Variants in MYO1B observed in about 807,000 individuals in gnomAD.
The protein encoded by MYO1B is unconventional myosin-Ib.
MYO1B carries 72 observed loss-of-function variants against 159.7 expected under a neutral mutation model. That is an observed-to-expected ratio of 0.45 (90% confidence interval 0.37 to 0.55). The LOEUF is 0.55. Among genes scored for constraint, MYO1B ranks in the 20% least tolerant of loss-of-function variants. MYO1B has a pLI of 0.00. For missense variants in MYO1B, 1,062 were observed against 1,364.8 expected (o/e 0.78, Z 3.50); for synonymous variants, 468 against 473.8 (o/e 0.99, Z 0.16).
At chr2:191,396,829 C>T (rs1696107502) in intron 21 of MYO1B, among the ~76,000 whole-genome samples, 1 of 152,206 alleles carries the variant, frequency 6.6e-6, no homozygotes, top group Non-Finnish European at 1.5e-5. Flanking sequence ...CCATTGCTTT[C>T]ATACTCAGAA....
At chr2:191,341,008 G>A (rs1300588606) in intron 4 of MYO1B, among the ~76,000 whole-genome samples, 3 of 152,190 alleles carry the variant, frequency 2.0e-5, no homozygotes, top group African/African-American at 7.2e-5. Context: ...ACAGGCGGGA[G>A]CCACTGTGCC....
intron 29 of MYO1B, among the ~76,000 whole-genome samples, chr2:191,415,447 A>G (rs957215244): frequency 6.6e-6 from 1 of 152,234 alleles, no homozygotes; most frequent in Non-Finnish European, 1.5e-5. Context: ...TAAAGGGGGC[A>G]TATCAAATAC....
rs57237733 is a variant in MYO1B, at chr2:191,260,254, C to CTTTTTTTTTTTTTTTTTTTTTTTTTTTTT, written c.-10+14641_-10+14642insTTTTTTTTTTTTTTTTTTTTTTTTTTTTT. Among the ~76,000 whole-genome samples, 48 of 60,998 alleles carry CTTTTTTTTTTTTTTTTTTTTTTTTTTTTT rather than the reference C, an allele frequency of 7.9e-4. 19 individuals are homozygous for CTTTTTTTTTTTTTTTTTTTTTTTTTTTTT. Among genetic ancestry groups the CTTTTTTTTTTTTTTTTTTTTTTTTTTTTT allele is most frequent in the East Asian group, 3.3e-3 (4 of 1,200 alleles). The allele number at this position is 60,998 out of a possible 152,430, so 40.0% of individuals were successfully genotyped here. A position where few individuals can be genotyped will look rare whatever the true frequency, so the allele number is the denominator to read the frequency against. ...TAATATTACTTTTTTCCCAGATAGG[C>CTTTTTTTTTTTTTTTTTTTTTTTTTTTTT]TTTTTTTTTTTTTGAATTAAAGCTA... On this transcript the variant is annotated intron_variant, in intron 1 of 30. Transcript: ENST00000392318.
At chr2:191,391,347 A>G (rs1017228134) in intron 18 of MYO1B, among the ~76,000 whole-genome samples, 1 of 152,182 alleles carries the variant, frequency 6.6e-6, no homozygotes, top group African/African-American at 2.4e-5. Flanking sequence ...AGGAACATCA[A>G]CACACCTAGG....
chr2:191,331,552 C>G (rs897185168), intron 4 of MYO1B, among the ~76,000 whole-genome samples: 3 of 152,164 alleles, frequency 2.0e-5, no homozygotes, highest in East Asian at 1.9e-4. Flanking sequence ...TTTTATCTTT[C>G]TAGGGCTAAA....
Position 191,346,256 on chromosome 2 carries a change from G to A in MYO1B, c.472G>A (p.Val158Ile). The A allele has an allele frequency of 1.3e-6, 2 of 1,571,828 alleles. No individual in the cohort carries two copies. The highest frequency in any genetic ancestry group is 1.7e-6 in the Non-Finnish European group (2 of 1,157,732). ...ACTAGCTTTTGGAAATGCCAAAACT[G>A]TAAGGAATGACAACTCCTCTAGATT... ...VLEAFGNAKTVRNDNSSRFGK... is the reference protein window; with the variant it reads ...VLEAFGNAKTIRNDNSSRFGK... Residue 158 changes from valine (V) to isoleucine (I), a missense_variant, in exon 6 of 31, where the codon GTA (valine) becomes ATA (isoleucine). This residue lies in a region of MYO1B where 415 missense variants were observed against 544.0 expected (regional missense o/e 0.76). Transcript: ENST00000392318.
intron 17 of MYO1B, chr2:191,387,932 C>A (rs935688358): frequency 1.7e-5 from 3 of 176,666 alleles, no homozygotes; most frequent in Non-Finnish European, 3.6e-5. Context: ...AGGTGTAGGC[C>A]TGGAGAAAGT....
chr2:191,283,090 C>G lies in MYO1B; in HGVS notation c.135+6060C>G, dbSNP rs139100677. ...TGTCTAATTTCTGAGCACCATCTAT[C>G]TCTTGGACAGTCATTTTTGCTAATA... On this transcript the variant is annotated intron_variant, in intron 2 of 30. Transcript: ENST00000392318. 1.6e-4 allele frequency among the ~76,000 whole-genome samples: 25 copies of G among 152,326 alleles called. No homozygotes were observed. The East Asian group carries it at 4.2e-3, about 26-fold the overall frequency.
At chr2:191,355,621 G>T (rs1693223905) in intron 7 of MYO1B, among the ~76,000 whole-genome samples, 1 of 152,284 alleles carries the variant, frequency 6.6e-6, no homozygotes, top group African/African-American at 2.4e-5. Flanking sequence ...TGTGTGCATT[G>T]CCCCATCTGT....
At chr2:191,247,977 G>A (rs575865763) in intron 1 of MYO1B, 5 of 985,450 alleles carry the variant, frequency 5.1e-6, no homozygotes, top group Admixed American at 6.1e-5. Flanking sequence ...AAGGAGGAAC[G>A]TCTGACATCA....
At chr2:191,334,874 A>T (rs571566689) in intron 4 of MYO1B, among the ~76,000 whole-genome samples, 8 of 152,222 alleles carry the variant, frequency 5.3e-5, no homozygotes, top group Admixed American at 4.6e-4. Context: ...TTAAACCTTA[A>T]TTTTTTCTTT....
intron 13 of MYO1B, chr2:191,377,702 A>G (rs954153940): frequency 6.6e-6 from 1 of 152,202 alleles, no homozygotes; most frequent in Admixed American, 6.5e-5. Context: ...AGTTCTGTGA[A>G]CTGCTGCCAG....
chr2:191,343,267 G>T (rs1692340638), intron 5 of MYO1B, among the ~76,000 whole-genome samples: 1 of 151,844 alleles, frequency 6.6e-6, no homozygotes, highest in South Asian at 2.1e-4. Flanking sequence ...ACGGATTAAA[G>T]CAGAACTGCT....
At position 191,408,121 on chromosome 2, in the gene MYO1B, A is replaced by C. The variant is rs1447885516; in HGVS notation, c.2563A>C (p.Arg855=). 5.0e-6 allele frequency: 8 copies of C among 1,611,108 alleles called. No individual in the cohort carries two copies. The highest frequency in any genetic ancestry group is 6.8e-6 in the Non-Finnish European group (8 of 1,177,516). ...WAYWLGLKVR[R]EYRKFFRANA... The stretch of plus-strand genomic sequence containing the variant: ...CTACATCTTCTTTTTAAAGGTACGT[A>C]GAGAATACAGGAAATTCTTCAGAGC... Residue 855 remains arginine (R), a synonymous_variant, in exon 25 of 31, where the codon AGA becomes CGA. Transcript: ENST00000392318.
At position 191,425,105 on chromosome 2, in the gene MYO1B, A is replaced by T. The variant is rs1698145843; in HGVS notation, c.*1145A>T. Reference sequence around the variant, plus strand: ...ATCAAATTGTTTCTTATTTGGGAGGATAATGTATATACATTGGTATTATGT... The same window carrying T: ...ATCAAATTGTTTCTTATTTGGGAGGTTAATGTATATACATTGGTATTATGT... On this transcript the variant is annotated 3_prime_UTR_variant, in exon 31 of 31. Transcript: ENST00000392318. 1 of 151,934 alleles carries T rather than the reference A, an allele frequency of 6.6e-6. No individual in the cohort carries two copies. The highest frequency in any genetic ancestry group is 1.5e-5 in the Non-Finnish European group (1 of 67,906). 9.4% of individuals were successfully genotyped at this position (151,934 alleles called of 1,614,324 possible).
chr2:191,344,766 C>T (rs868217414), intron 5 of MYO1B, among the ~76,000 whole-genome samples: 43 of 136,444 alleles, frequency 3.2e-4, no homozygotes, highest in Admixed American at 7.9e-4. Flanking sequence ...GGAGGCGGAG[C>T]TTGCAGTGAG....
rs188061521 is a variant in MYO1B at position 191,323,969 on chromosome 2, A to G, written c.252-5966A>G. On this transcript the variant is annotated intron_variant, in intron 3 of 30. Transcript: ENST00000392318. ...AGATAATTTTCACCTGCATTCTGCC[A>G]TCTGTCATGCTATGGCATAGCATCT... 2.0e-5 allele frequency among the ~76,000 whole-genome samples: 3 copies of G among 152,274 alleles called. No homozygotes were observed. The East Asian group carries it at 5.8e-4, about 29-fold the overall frequency.
chr2:191,416,344 A>G lies in MYO1B; in HGVS notation c.3287+102A>G, dbSNP rs772616795. ...TTAATACAACTACTTATTAAGTACC[A>G]GGTATGTGTCTAGTAGTTGTTCCAC... On this transcript the variant is annotated intron_variant, in intron 30 of 30. Coordinates refer to ENST00000392318, the MANE Select transcript of MYO1B (RefSeq NM_001130158.3). 6 of 1,380,978 alleles carry G rather than the reference A, an allele frequency of 4.3e-6. No individual in the cohort carries two copies. The East Asian group carries it at 9.2e-5, about 21-fold the overall frequency. The allele number at this position is 1,380,978 out of a possible 1,614,324, so 85.5% of individuals were successfully genotyped here. A position where few individuals can be genotyped will look rare whatever the true frequency, so the allele number is the denominator to read the frequency against.
In MYO1B at chr2:191,409,033, A is replaced by T. The variant is rs775055541; in HGVS notation, c.2632-11A>T. ...TTTCCTCATGTAGTATTTTCTGTCA[A>T]CCCAACACAGGTGCAAAAATACTTC... is the stretch of plus-strand genomic sequence containing the variant. On this transcript the variant is annotated splice_polypyrimidine_tract_variant and intron_variant, in intron 25 of 30. Coordinates refer to ENST00000392318, the MANE Select transcript of MYO1B (RefSeq NM_001130158.3). The T allele has an allele frequency of 6.2e-7, 1 of 1,605,754 alleles. No individual in the cohort carries two copies. The highest frequency in any genetic ancestry group is 8.5e-7 in the Non-Finnish European group (1 of 1,177,800).
Sources: gnomAD v4.1 joint callset for allele counts (sites outside exome capture counted in the v4.1 genomes callset) on GRCh38, gnomAD v4.1.1 for gene constraint, gnomAD v4.1.1 regional missense constraint, MANE v1.5 for transcripts, NCBI Gene and HGNC (gene_info 2026-07-23, HGNC 2026-07-21) for gene names.